Variants in SMAD9 observed in about 807,000 individuals in gnomAD.
SMAD9 encodes SMAD family member 9.
SMAD9 carries 36 observed loss-of-function variants against 46.1 expected under a neutral mutation model. The ratio of observed to expected loss-of-function variants is 0.78; its 90% CI spans 0.60 to 1.03. SMAD9 has a LOEUF of 1.03. Ranked by LOEUF, SMAD9 falls within the 50% of genes least tolerant of loss-of-function variation. The pLI is 0.00. For synonymous variants in SMAD9, 245 were observed against 237.1 expected (o/e 1.03, Z -0.31); for missense variants, 572 against 599.8 (o/e 0.95, Z 0.48).
chr13:36,886,513 C>T (rs930403705), intron 1 of SMAD9, among the ~76,000 whole-genome samples: 1 of 152,220 alleles, frequency 6.6e-6, no homozygotes, highest in South Asian at 2.1e-4. Flanking sequence ...AGGACAAATC[C>T]GAGCTGAGCT....
chr13:36,873,250 T>C (rs1037410176), intron 2 of SMAD9, among the ~76,000 whole-genome samples: 19 of 152,210 alleles, frequency 1.2e-4, no homozygotes, highest in African/African-American at 4.3e-4. Context: ...ACCTTGGAAA[T>C]GACCAGAGCT....
chr13:36,902,475 A>G (rs1403207608), intron 1 of SMAD9, among the ~76,000 whole-genome samples: 1 of 150,074 alleles, frequency 6.7e-6, no homozygotes, highest in Admixed American at 6.6e-5. Flanking sequence ...TTTTTTTGAG[A>G]TGGAGTCTTA....
chr13:36,869,346 C>T (rs369661845), intron 3 of SMAD9, among the ~76,000 whole-genome samples: 10 of 152,022 alleles, frequency 6.6e-5, no homozygotes, highest in Non-Finnish European at 1.0e-4. Flanking sequence ...CCTCAGTCTC[C>T]GGAGTAGCTG....
At chr13:36,874,607 C>T (rs770767049) in intron 2 of SMAD9, among the ~76,000 whole-genome samples, 1 of 152,060 alleles carries the variant, frequency 6.6e-6, no homozygotes, top group Non-Finnish European at 1.5e-5. Context: ...CCTGTAATCC[C>T]AGCACTTTGG....
In SMAD9 at chr13:36,870,525, A is replaced by G. The variant is rs146949450; in HGVS notation, c.670+2133T>C. Among the ~76,000 whole-genome samples, 832 of 145,668 alleles carry G rather than the reference A, an allele frequency of 5.7e-3. 5 individuals are homozygous for G. The highest frequency in any genetic ancestry group is 0.021 in the African/African-American group (788 of 38,208). ...AACCCCATATCCCTGTTTTAGTTCA[A>G]CTCCTTATAATCACTTGCCTGGACT... On this transcript the variant is annotated intron_variant, in intron 3 of 6. Coordinates refer to ENST00000379826, the MANE Select transcript of SMAD9 (RefSeq NM_001127217.3).
chr13:36,883,555 A>G (rs2058421122), intron 1 of SMAD9, among the ~76,000 whole-genome samples: 1 of 152,202 alleles, frequency 6.6e-6, no homozygotes, highest in Non-Finnish European at 1.5e-5. Context: ...ATTTGAGACC[A>G]GCCTGGACAA....
intron 6 of SMAD9, chr13:36,852,167 ATTG>A: frequency 1.1e-6 from 1 of 890,066 alleles, no homozygotes; most frequent in African/African-American, 1.8e-5. Flanking sequence ...TGGAAACTAT[ATTG>A]TTCTTACTTT....
intron 1 of SMAD9, among the ~76,000 whole-genome samples, chr13:36,883,947 A>T (rs989543743): frequency 6.6e-6 from 1 of 152,056 alleles, no homozygotes; most frequent in Admixed American, 6.5e-5. Flanking sequence ...GATCAAGACA[A>T]GGCTCAGTCT....
At chr13:36,887,026 G>C (rs1433088845) in intron 1 of SMAD9, among the ~76,000 whole-genome samples, 2 of 150,464 alleles carry the variant, frequency 1.3e-5, no homozygotes, top group African/African-American at 4.9e-5. Flanking sequence ...GTGCAAAGGG[G>C]AGCCTTTGAA....
chr13:36,865,875 A>G, intron 4 of SMAD9, 117 bp from the exon 5 acceptor site: 1 of 818,748 alleles, frequency 1.2e-6, no homozygotes, highest in Non-Finnish European at 2.0e-6. Context: ...TGCAAGACCA[A>G]GCATGCCGCT....
intron 1 of SMAD9, among the ~76,000 whole-genome samples, chr13:36,896,555 A>G (rs1262479631): frequency 6.6e-6 from 1 of 152,114 alleles, no homozygotes; most frequent in Non-Finnish European, 1.5e-5. Context: ...ATCTGATCCT[A>G]CCATTCTCCT....
chr13:36,918,607 C>T (rs965733630), intron 1 of SMAD9, among the ~76,000 whole-genome samples: 1 of 152,200 alleles, frequency 6.6e-6, no homozygotes, highest in Non-Finnish European at 1.5e-5. Context: ...TCTGAAGCCT[C>T]CTTCTTGGAT....
chr13:36,907,343 T>C (rs2075776862), intron 1 of SMAD9, among the ~76,000 whole-genome samples: 1 of 152,166 alleles, frequency 6.6e-6, no homozygotes, highest in Admixed American at 6.5e-5. Flanking sequence ...AACCGGAATG[T>C]GCTTAATGCC....
chr13:36,899,391 C>T (rs958928887), intron 1 of SMAD9, among the ~76,000 whole-genome samples: 4 of 152,060 alleles, frequency 2.6e-5, no homozygotes, highest in African/African-American at 9.7e-5. Flanking sequence ...CCTAGCAGTA[C>T]TTTTTTGTAT....
At chr13:36,920,386 G>C (rs887746357), upstream of SMAD9, 1 of 150,896 alleles carries the variant, frequency 6.6e-6, no homozygotes, top group Non-Finnish European at 1.5e-5. Context: ...CCGGCGGGGG[G>C]CGGGAGCGAG....
intron 1 of SMAD9, among the ~76,000 whole-genome samples, chr13:36,894,871 C>G (rs1310369719): frequency 6.6e-6 from 1 of 152,102 alleles, no homozygotes; most frequent in Admixed American, 6.6e-5. Context: ...AGTGAACTAG[C>G]CCTTGTAGAA....
chr13:36,915,628 A>T (rs2138718315), intron 1 of SMAD9, among the ~76,000 whole-genome samples: 1 of 152,290 alleles, frequency 6.6e-6, no homozygotes, highest in South Asian at 2.1e-4. Flanking sequence ...AAAAAATCAG[A>T]ACTACATAGG....
chr13:36,849,191 G>C (rs1303833074), intron 6 of SMAD9, among the ~76,000 whole-genome samples: 1 of 152,102 alleles, frequency 6.6e-6, no homozygotes, highest in Non-Finnish European at 1.5e-5. Context: ...GGTTACTGCA[G>C]ACCAGTGACT....
At position 36,872,719 on chromosome 13, in the gene SMAD9, C is replaced by A. The variant is rs760039567; in HGVS notation, c.609G>T (p.Thr203=). The A allele has an allele frequency of 6.2e-7, 1 of 1,613,962 alleles. No individual in the cohort carries two copies. Among genetic ancestry groups the A allele is most frequent in the Non-Finnish European group, 8.5e-7 (1 of 1,179,996 alleles). ...PSHAFSQSPC[T]ASYPHSPGSP... ...TTCCTGGGGAGTGAGGGTAGCTGGC[C>A]GTGCACGGGGACTGGGAGAACGCGT... is the stretch of plus-strand genomic sequence containing the variant. Residue 203 remains threonine, a synonymous_variant, in exon 3 of 7, where the codon ACG becomes ACT. Coordinates refer to ENST00000379826, the MANE Select transcript of SMAD9 (RefSeq NM_001127217.3).
Sources: allele counts gnomAD v4.1 joint callset (sites outside exome capture counted in the v4.1 genomes callset), GRCh38; gene constraint gnomAD v4.1.1; transcripts MANE v1.5; gene names NCBI Gene and HGNC (gene_info 2026-07-23, HGNC 2026-07-21).